The following PPP4R3B variants were observed in gnomAD, a reference collection of about 807,000 sequenced individuals.
PPP4R3B encodes the protein protein phosphatase 4 regulatory subunit 3B, also known as serine/threonine-protein phosphatase 4 regulatory subunit 3B.
PPP4R3B carries 52 observed loss-of-function variants against 95.4 expected under a neutral mutation model. The observed-to-expected ratio is 0.54, with a 90% CI of 0.44 to 0.69. The LOEUF is 0.69. Among genes scored for constraint, PPP4R3B ranks in the 30% least tolerant of loss-of-function variants. The pLI, the probability that PPP4R3B is intolerant of heterozygous loss-of-function variation, is 0.00. For synonymous variants in PPP4R3B, 407 were observed against 343.9 expected, an observed-to-expected ratio of 1.18 and a Z score of -2.03; for missense variants, 1,003 against 1,005.9, an observed-to-expected ratio of 1.00 and a Z score of 0.04.
rs1410963620 is a variant in PPP4R3B at position 55,612,904 on chromosome 2, C to G, written c.198+2547G>C. On this transcript the variant is annotated intron_variant, in intron 2 of 16. Coordinates refer to ENST00000616407, the MANE Select transcript of PPP4R3B (RefSeq NM_001122964.3). ...AAGCTTGCAGTGAGCAGAAATCGCA[C>G]CACCACACTGCAGCATGGACGACAG... Among the ~76,000 whole-genome samples the G allele has an allele frequency of 2.0e-5, 3 of 151,478 alleles. No individual in the cohort carries two copies. The East Asian group carries it at 5.8e-4, about 29-fold the overall frequency.
intron 16 of PPP4R3B, 93 bp from the exon 17 acceptor site, chr2:55,550,099 C>T (rs1416760551): frequency 6.1e-6 from 5 of 823,222 alleles, no homozygotes; most frequent in Non-Finnish European, 9.6e-6. Flanking sequence ...TATCAGAAAT[C>T]GTTTTTCTAA....
At chr2:55,593,486 T>A (rs1364607975) in intron 4 of PPP4R3B, among the ~76,000 whole-genome samples, 1 of 152,188 alleles carries the variant, frequency 6.6e-6, no homozygotes, top group African/African-American at 2.4e-5. Flanking sequence ...AGCAAGTTAA[T>A]GCGCATTTAA....
intron 12 of PPP4R3B, among the ~76,000 whole-genome samples, chr2:55,572,220 AT>A (rs902356142): frequency 1.7e-5 from 2 of 118,778 alleles, no homozygotes; most frequent in African/African-American, 2.7e-5. Flanking sequence ...ATCTTAGGAC[AT>A]AAGACTTTCC....
chr2:55,598,329 AAAATAGAGGGTAT>A (rs1692081959), intron 4 of PPP4R3B, 74 bp downstream of exon 4: 1 of 1,335,736 alleles, frequency 7.5e-7, no homozygotes, highest in African/African-American at 1.5e-5. Flanking sequence ...AATCTTTCAA[AAAATAGAGGGTAT>A]AAACACCTGC....
intron 15 of PPP4R3B, 117 bp from the exon 16 acceptor site, chr2:55,559,085 C>G: frequency 1.3e-6 from 1 of 775,892 alleles, no homozygotes; most frequent in South Asian, 2.0e-5. Flanking sequence ...TGGTGGCTCA[C>G]GCCTGTAATC....
At chr2:55,613,866 C>T (rs1169326193) in intron 2 of PPP4R3B, among the ~76,000 whole-genome samples, 1 of 147,164 alleles carries the variant, frequency 6.8e-6, no homozygotes, top group Admixed American at 6.7e-5. Flanking sequence ...CAAACAAAAA[C>T]AAACTAAAAG....
Position 55,604,076 on chromosome 2 carries a change from C to A in PPP4R3B, c.199G>T (p.Asp67Tyr). Residue 67 changes from aspartate (D) to tyrosine (Y), a missense_variant and splice_region_variant, in exon 3 of 17, where the codon GAT becomes TAT. Asp to Tyr is a radical substitution (Grantham distance 160). This residue lies in a region of PPP4R3B where 695 missense variants were observed against 686.2 expected (regional missense o/e 1.01). Transcript: ENST00000616407. Reference sequence around the variant, plus strand: ...GCTTCTGACCAAACAATTAATGTATCCTGTTTAAAAATAAATATTTCCATA... The same window carrying A: ...GCTTCTGACCAAACAATTAATGTATACTGTTTAAAAATAAATATTTCCATA... ...NPNTAYQKQQ[D>Y]TLIVWSEAEN... 1.3e-6 allele frequency: 2 copies of A among 1,595,466 alleles called. No homozygotes were observed. Among genetic ancestry groups the A allele is most frequent in the African/African-American group, 1.3e-5 (1 of 74,202 alleles).
chr2:55,578,009 G>C (rs1156239794), intron 10 of PPP4R3B, among the ~76,000 whole-genome samples: 2 of 152,030 alleles, frequency 1.3e-5, no homozygotes, highest in Non-Finnish European at 2.9e-5. Context: ...TCATAAGAGA[G>C]GATTATGTAG....
chr2:55,563,777 A>C (rs1686932242), intron 15 of PPP4R3B, among the ~76,000 whole-genome samples: 1 of 152,256 alleles, frequency 6.6e-6, no homozygotes, highest in African/African-American at 2.4e-5. Flanking sequence ...TTCTTTTGAA[A>C]GATATATTAC....
chr2:55,613,984 A>C (rs1445160744), intron 2 of PPP4R3B, among the ~76,000 whole-genome samples: 1 of 152,164 alleles, frequency 6.6e-6, no homozygotes, highest in Non-Finnish European at 1.5e-5. Context: ...AAGGTATAGG[A>C]AACATCTTCA....
chr2:55,598,578 T>G lies in PPP4R3B; in HGVS notation c.759A>C (p.Pro253=). The change falls in exon 4 of 17, where the codon CCA becomes CCC. Residue 253 remains proline (P), a synonymous_variant. Transcript: ENST00000616407. ...TTTGCCTTAGTTCAGAGTCTGTTAT[T>G]GGTATAACTTCCTTGAACTTTGCAG... ...TKTAKFKEVI[P]ITDSELRQKI... is the part of the protein sequence containing the mutation. 1 of 1,614,232 alleles carries G rather than the reference T, an allele frequency of 6.2e-7. No homozygotes were observed. Among genetic ancestry groups the G allele is most frequent in the Non-Finnish European group, 8.5e-7 (1 of 1,180,050 alleles).
chr2:55,614,344 G>A (rs958701818), intron 2 of PPP4R3B: 1 of 152,024 alleles, frequency 6.6e-6, no homozygotes, highest in African/African-American at 2.4e-5. Flanking sequence ...ACACAAAAAA[G>A]AATACCTGGA....
intron 13 of PPP4R3B, chr2:55,565,929 C>T (rs1454571297): frequency 1.3e-5 from 2 of 152,190 alleles, no homozygotes. Context: ...ATATTATACA[C>T]ACAGATCTGA....
At chr2:55,589,070 A>C (rs1243151480) in intron 4 of PPP4R3B, 114 bp from the exon 5 acceptor site, 1 of 651,156 alleles carries the variant, frequency 1.5e-6, no homozygotes, top group Non-Finnish European at 2.6e-6. Context: ...TTCATCATGA[A>C]ACCTAATATT....
In PPP4R3B at chr2:55,617,269, C is replaced by T. The variant is rs980632722; in HGVS notation, c.17G>A (p.Arg6Gln). The change falls in exon 1 of 17, where the codon CGG becomes CAG. Residue 6 changes from arginine to glutamine, a missense_variant. Coordinates refer to ENST00000616407, the MANE Select transcript of PPP4R3B (RefSeq NM_001122964.3). The part of the protein sequence containing the change: MSDTR[R>Q]RVKVYTLNED... ...GTTCAGGGTATAGACCTTCACTCGC[C>T]GCCGCGTATCCGACATGGTGGCTGC... 7 of 1,598,536 alleles carry T rather than the reference C, an allele frequency of 4.4e-6. No homozygotes were observed. Among genetic ancestry groups the T allele is most frequent in the African/African-American group, 2.7e-5 (2 of 74,248 alleles).
Position 55,577,308 on chromosome 2 carries a change from T to C in PPP4R3B, c.1606+7A>G, listed in dbSNP as rs755977384. 1.3e-6 allele frequency: 2 copies of C among 1,554,550 alleles called. No individual in the cohort carries two copies. Among genetic ancestry groups the C allele is most frequent in the Admixed American group, 2.1e-5 (1 of 48,344 alleles). On this transcript the variant is annotated splice_region_variant and intron_variant, in intron 11 of 16. Transcript: ENST00000616407. Reference sequence around the variant, plus strand: ...CATGTATTCATAAAGTATGAATTCATACTTACCGGGACAAATTGTGTTGTT... The same window carrying C: ...CATGTATTCATAAAGTATGAATTCACACTTACCGGGACAAATTGTGTTGTT...
chr2:55,602,600 G>A (rs1572707129), intron 3 of PPP4R3B, among the ~76,000 whole-genome samples: 1 of 152,314 alleles, frequency 6.6e-6, no homozygotes, highest in Admixed American at 6.5e-5. Flanking sequence ...AATCTCCAGT[G>A]AAAACCCTGG....
intron 16 of PPP4R3B, among the ~76,000 whole-genome samples, chr2:55,552,884 T>A (rs925520539): frequency 6.6e-6 from 1 of 152,164 alleles, no homozygotes. Context: ...AACTAAGTAT[T>A]TGCAGAGGGA....
chr2:55,615,573 A>C, intron 1 of PPP4R3B, 67 bp from the exon 2 acceptor site: 1 of 1,209,888 alleles, frequency 8.3e-7, no homozygotes, highest in Non-Finnish European at 1.2e-6. Context: ...ATTAGAATAC[A>C]CATTAAAGCC....
Sources: allele counts gnomAD v4.1 joint callset (sites outside exome capture counted in the v4.1 genomes callset), GRCh38; gene constraint gnomAD v4.1.1; regional missense constraint gnomAD v4.1.1; transcripts MANE v1.5; gene names NCBI Gene and HGNC (gene_info 2026-07-23, HGNC 2026-07-21).